TENM1: variants seen among roughly 807,000 people sequenced by gnomAD.
The protein encoded by TENM1 is teneurin transmembrane protein 1, also known as teneurin-1.
Under a neutral mutation model 174.8 loss-of-function variants are expected in TENM1, and 35 were observed. That is an observed-to-expected ratio of 0.20 (90% CI 0.15 to 0.27). TENM1 has a LOEUF of 0.27. Ranked by LOEUF, TENM1 falls within the 10% of genes least tolerant of loss-of-function variation. The probability of loss-of-function intolerance (pLI) is 1.00; values close to 1 mark genes in which losing one functional copy is unlikely to be tolerated. For synonymous variants in TENM1, 781 were observed against 798.7 expected (o/e 0.98, Z 0.37); for missense variants, 1,633 against 2,130.1 (o/e 0.77, Z 4.59).
the TENM1 span, among the ~76,000 whole-genome samples, chrX:125,044,988 G>A: frequency 9.0e-6 from 1 of 111,725 alleles, no homozygotes; most frequent in Non-Finnish European, 1.9e-5. Context: ...CTGGGACTGA[G>A]AAATTTATAA....
At chrX:125,021,350 A>G in the TENM1 span, among the ~76,000 whole-genome samples, 1 of 109,980 alleles carries the variant, frequency 9.1e-6, no homozygotes, top group African/African-American at 3.3e-5. Context: ...GGCTGCAGCT[A>G]TACCTGCAGT....
chrX:124,928,536 CAA>C (rs759346167), intron 1 of TENM1, among the ~76,000 whole-genome samples: 7 of 112,146 alleles, frequency 6.2e-5, no homozygotes, highest in African/African-American at 2.3e-4. Flanking sequence ...GAAACTGACT[CAA>C]ACAATAGGTT....
intron 27 of TENM1, among the ~76,000 whole-genome samples, chrX:124,396,250 C>CATG (rs1375222810): frequency 9.2e-6 from 1 of 108,160 alleles, no homozygotes; most frequent in Non-Finnish European, 1.9e-5. Flanking sequence ...CTGGGGAAAC[C>CATG]ATGTGTGAGA....
chrX:124,647,827 C>CT (rs759126890), intron 8 of TENM1, among the ~76,000 whole-genome samples: 1 of 109,858 alleles, frequency 9.1e-6, no homozygotes, highest in Non-Finnish European at 1.9e-5. Flanking sequence ...TTCTTGGACT[C>CT]TGAGTTTAGT....
chrX:125,023,866 G>A, the TENM1 span, among the ~76,000 whole-genome samples: 13 of 110,618 alleles, frequency 1.2e-4, no homozygotes, highest in Non-Finnish European at 2.5e-4. Flanking sequence ...TATCTACAAG[G>A]AACACAAACA....
chrX:124,997,692 T>C, the TENM1 span, among the ~76,000 whole-genome samples: 2 of 111,045 alleles, frequency 1.8e-5, no homozygotes, highest in Non-Finnish European at 3.8e-5. Flanking sequence ...CCCTCTCAAA[T>C]GCCAAAGTCT....
At chrX:124,556,067 T>C (rs140287975) in intron 14 of TENM1, among the ~76,000 whole-genome samples, 1,282 of 112,001 alleles carry the variant, frequency 0.011, 14 homozygotes, top group African/African-American at 0.039. Flanking sequence ...AGAATTGTAA[T>C]AGGAGATGAA....
rs988037386 is a variant in TENM1, at chrX:124,541,755, T to C, written c.2651+5119A>G. Among the ~76,000 whole-genome samples, 5 of 112,105 alleles carry C rather than the reference T, an allele frequency of 4.5e-5. No individual in the cohort carries two copies. In the Admixed American group the frequency reaches 4.7e-4, roughly 11 times the overall value. On this transcript the variant is annotated intron_variant, in intron 15 of 31. Coordinates refer to ENST00000422452, the Ensembl canonical transcript of TENM1. ...AGGATCTGGGGATACAGTGGTATCA[T>C]AGATTAAAGGTGGCCAAAAATTATT...
chrX:124,472,445 T>C (rs2061346560), intron 22 of TENM1, among the ~76,000 whole-genome samples: 1 of 105,021 alleles, frequency 9.5e-6, no homozygotes, highest in East Asian at 2.9e-4. Flanking sequence ...ATATAACTTA[T>C]GTCATTAATG....
At chrX:124,436,244 T>G (rs2060834782) in intron 23 of TENM1, among the ~76,000 whole-genome samples, 1 of 111,405 alleles carries the variant, frequency 9.0e-6, no homozygotes, top group Admixed American at 9.5e-5. Flanking sequence ...CTCGGCAATC[T>G]ACATTTTTCT....
At chrX:125,084,876 A>C in the TENM1 span, among the ~76,000 whole-genome samples, 1 of 111,413 alleles carries the variant, frequency 9.0e-6, no homozygotes. Flanking sequence ...ATTAACCCAG[A>C]AGTCAAAGAA....
chrX:124,879,673 T>C (rs1260175226), intron 3 of TENM1, among the ~76,000 whole-genome samples: 1 of 112,050 alleles, frequency 8.9e-6, no homozygotes, highest in East Asian at 2.8e-4. Flanking sequence ...GTTCTATTTT[T>C]AGTTTGTTGA....
chrX:124,441,569 G>A (rs925151481), intron 23 of TENM1, among the ~76,000 whole-genome samples: 2 of 111,863 alleles, frequency 1.8e-5, no homozygotes, highest in African/African-American at 3.2e-5. Context: ...CTTTGGATCA[G>A]CGGGAGGAAT....
chrX:124,638,118 G>A (rs964471817), intron 11 of TENM1, among the ~76,000 whole-genome samples: 10 of 111,237 alleles, frequency 9.0e-5, no homozygotes, highest in African/African-American at 3.3e-4. Context: ...GGTGGGTAAG[G>A]GTTGTTTGGG....
At chrX:124,809,843 GGAGAGAGAGAGAGA>G (rs4027522) in intron 3 of TENM1, among the ~76,000 whole-genome samples, 3 of 78,674 alleles carry the variant, frequency 3.8e-5, no homozygotes, top group African/African-American at 5.0e-5. Flanking sequence ...CATGACAGCA[GGAGAGAGAGAGAGA>G]GAGAGAGAGA....
At chrX:125,180,461 G>A in the TENM1 span, among the ~76,000 whole-genome samples, 99 of 103,335 alleles carry the variant, frequency 9.6e-4, no homozygotes, top group African/African-American at 3.4e-3. Context: ...AGGATCACTT[G>A]AGGAGTTGAG....
At chrX:124,490,405 C>A (rs760758263) in intron 20 of TENM1, among the ~76,000 whole-genome samples, 3 of 111,863 alleles carry the variant, frequency 2.7e-5, no homozygotes, top group African/African-American at 9.7e-5. Flanking sequence ...TCTCAAAGCT[C>A]CATTTCCATT....
exon 28 of TENM1, chrX:124,392,300 T>C: frequency 8.3e-7 from 1 of 1,209,956 alleles, no homozygotes; most frequent in Non-Finnish European, 1.1e-6. Context: ...ATCTTTCCTG[T>C]GCGGGTTATA....
At chrX:125,147,273 T>C in the TENM1 span, among the ~76,000 whole-genome samples, 1 of 109,522 alleles carries the variant, frequency 9.1e-6, no homozygotes, top group Admixed American at 9.8e-5. Context: ...TATATCTACA[T>C]AAGTATAGTA....
Sources: allele counts gnomAD v4.1 joint callset (sites outside exome capture counted in the v4.1 genomes callset), GRCh38; gene constraint gnomAD v4.1.1; transcripts MANE v1.5; gene names NCBI Gene and HGNC (gene_info 2026-07-23, HGNC 2026-07-21).